GULP1: variants seen among roughly 807,000 people sequenced by gnomAD.
GULP1 encodes GULP PTB domain containing engulfment adaptor 1.
In GULP1, 19 loss-of-function variants were observed where a neutral mutation model predicts 40.9. The observed-to-expected ratio is 0.46, with a 90% confidence interval of 0.32 to 0.68. The LOEUF (loss-of-function observed/expected upper bound fraction) is 0.68. Among genes scored for constraint, GULP1 ranks in the 30% least tolerant of loss-of-function variants. GULP1 has a pLI of 0.03. For synonymous variants in GULP1, 119 were observed against 117.6 expected (o/e 1.01, Z -0.08); for missense variants, 312 against 362.2 (o/e 0.86, Z 1.12).
intron 1 of GULP1, among the ~76,000 whole-genome samples, chr2:188,377,881 G>A (rs2048491213): frequency 6.6e-6 from 1 of 152,046 alleles, no homozygotes; most frequent in Non-Finnish European, 1.5e-5. Flanking sequence ...AACAGTATAG[G>A]AAGATTGGGG....
chr2:188,333,102 G>C (rs891272364), intron 1 of GULP1, among the ~76,000 whole-genome samples: 2 of 151,914 alleles, frequency 1.3e-5, no homozygotes, highest in Non-Finnish European at 2.9e-5. Flanking sequence ...AACATTAGCG[G>C]GGCATGGTGG....
At chr2:188,553,120 A>G (rs1450891366) in intron 7 of GULP1, among the ~76,000 whole-genome samples, 1 of 151,916 alleles carries the variant, frequency 6.6e-6, no homozygotes, top group Non-Finnish European at 1.5e-5. Context: ...ATATAAGATC[A>G]TATCAGCAAA....
chr2:188,391,129 T>A (rs2050462230), intron 2 of GULP1, among the ~76,000 whole-genome samples: 1 of 152,150 alleles, frequency 6.6e-6, no homozygotes, highest in Admixed American at 6.5e-5. Flanking sequence ...AGGATTTTTT[T>A]TCTAATTCTG....
At chr2:188,358,766 T>TTAAA (rs1488169944) in intron 1 of GULP1, among the ~76,000 whole-genome samples, 1 of 152,070 alleles carries the variant, frequency 6.6e-6, no homozygotes, top group Non-Finnish European at 1.5e-5. Flanking sequence ...ATGAAGAAAA[T>TTAAA]TAAATAAAAA....
intron 4 of GULP1, among the ~76,000 whole-genome samples, chr2:188,499,991 C>G (rs990458404): frequency 5.9e-5 from 9 of 151,838 alleles, no homozygotes; most frequent in Non-Finnish European, 1.0e-4. Flanking sequence ...TTCTTTTCTG[C>G]ACTATCCTAA....
At chr2:188,505,628 C>G (rs200607823) in intron 4 of GULP1, among the ~76,000 whole-genome samples, 2 of 151,766 alleles carry the variant, frequency 1.3e-5, no homozygotes, top group East Asian at 3.9e-4. Context: ...ATTCCAAGTC[C>G]TTGGTCCATT....
At chr2:188,321,847 A>G (rs10189416) in intron 1 of GULP1, among the ~76,000 whole-genome samples, 10 of 151,676 alleles carry the variant, frequency 6.6e-5, no homozygotes, top group African/African-American at 2.2e-4. Flanking sequence ...TGAAACACCA[A>G]CTCTACTAAA....
At chr2:188,542,609 A>C (rs981141539) in intron 7 of GULP1, among the ~76,000 whole-genome samples, 1 of 152,170 alleles carries the variant, frequency 6.6e-6, no homozygotes, top group Admixed American at 6.5e-5. Context: ...TTTTGTGCAC[A>C]TTATGGAACA....
chr2:188,522,651 T>C, intron 4 of GULP1, 105 bp from the exon 5 acceptor site: 1 of 501,292 alleles, frequency 2.0e-6, no homozygotes, highest in East Asian at 3.2e-5. Context: ...AACATATGAG[T>C]TTGCATTACT....
chr2:188,388,775 C>A (rs2152536801), intron 2 of GULP1, among the ~76,000 whole-genome samples: 1 of 152,216 alleles, frequency 6.6e-6, no homozygotes, highest in South Asian at 2.1e-4. Flanking sequence ...TATAATGTAG[C>A]AGATGTACCT....
At chr2:188,517,223 C>T (rs1336592373) in intron 4 of GULP1, among the ~76,000 whole-genome samples, 1 of 151,928 alleles carries the variant, frequency 6.6e-6, no homozygotes, top group Non-Finnish European at 1.5e-5. Flanking sequence ...AAATGTATTA[C>T]CTCTCTGCTG....
intron 2 of GULP1, among the ~76,000 whole-genome samples, chr2:188,442,319 T>C (rs1487311464): frequency 6.6e-5 from 10 of 152,176 alleles, no homozygotes; most frequent in Admixed American, 6.6e-4. Flanking sequence ...GTAAATGTAG[T>C]TAGGGCACAT....
At chr2:188,437,573 G>A (rs954776126) in intron 2 of GULP1, among the ~76,000 whole-genome samples, 33 of 152,032 alleles carry the variant, frequency 2.2e-4, no homozygotes, top group African/African-American at 8.0e-4. Context: ...CCCCATTACT[G>A]AGTATACATC....
At chr2:188,393,532 G>T (rs1266212208) in intron 2 of GULP1, among the ~76,000 whole-genome samples, 1 of 151,950 alleles carries the variant, frequency 6.6e-6, no homozygotes, top group Admixed American at 6.6e-5. Context: ...CATTCTACCA[G>T]CTTGTGTCTT....
intron 11 of GULP1, chr2:188,592,248 T>C (rs1050873324): frequency 6.6e-6 from 1 of 151,970 alleles, no homozygotes; most frequent in Non-Finnish European, 1.5e-5. Flanking sequence ...TACCGTATGG[T>C]ATCAAACATT....
rs1704341942 is a variant in GULP1 at position 188,595,913 on chromosome 2, T to C, written c.*1902T>C. 1 of 152,312 alleles carries C rather than the reference T, an allele frequency of 6.6e-6. No homozygotes were observed. Among genetic ancestry groups the C allele is most frequent in the East Asian group, 1.9e-4 (1 of 5,200 alleles). The allele number at this position is 152,312 out of a possible 1,614,324, so 9.4% of individuals were successfully genotyped here. On this transcript the variant is annotated 3_prime_UTR_variant, in exon 12 of 12. Transcript: ENST00000409830. ...TATGTTTGGTTTTCCTGAAAATAAA[T>C]GATTTTAAATAAATTAAATTGCATA...
In GULP1 at chr2:188,544,806, C is replaced by A. The variant is rs141578432; in HGVS notation, c.399+3488C>A. ...AGTCCTGGAAAAAGAGAATAAGCAC[C>A]CTTAAAAAACACTCCAAGAATATTA... is the stretch of plus-strand genomic sequence containing the variant. On this transcript the variant is annotated intron_variant, in intron 7 of 11. Coordinates refer to ENST00000409830, the MANE Select transcript of GULP1 (RefSeq NM_016315.4). Among the ~76,000 whole-genome samples, 605 of 151,860 alleles carry A rather than the reference C, an allele frequency of 4.0e-3. 5 individuals are homozygous for A. The highest frequency in any genetic ancestry group is 0.014 in the African/African-American group (572 of 41,470).
intron 7 of GULP1, among the ~76,000 whole-genome samples, chr2:188,544,681 A>G (rs1296494333): frequency 6.6e-6 from 1 of 151,984 alleles, no homozygotes; most frequent in Non-Finnish European, 1.5e-5. Flanking sequence ...AAAATACCCA[A>G]TCTGAACAAG....
At chr2:188,516,129 T>C (rs887400906) in intron 4 of GULP1, among the ~76,000 whole-genome samples, 3 of 152,284 alleles carry the variant, frequency 2.0e-5, no homozygotes, top group African/African-American at 7.2e-5. Flanking sequence ...TCCTGACATA[T>C]CTGCCCTGTT....
Sources: allele counts gnomAD v4.1 joint callset (sites outside exome capture counted in the v4.1 genomes callset), GRCh38; gene constraint gnomAD v4.1.1; transcripts MANE v1.5; gene names NCBI Gene and HGNC (gene_info 2026-07-23, HGNC 2026-07-21).